The following SYT1 variants were observed in gnomAD, a reference collection of about 807,000 sequenced individuals.
SYT1 encodes the protein synaptotagmin-1.
Under a neutral mutation model 44.8 loss-of-function variants are expected in SYT1, and 8 were observed. That is an observed-to-expected ratio of 0.18 (90% CI 0.10 to 0.32). The LOEUF (loss-of-function observed/expected upper bound fraction) is 0.32, where lower values mean the gene tolerates loss of function less well. SYT1 is among the 10% of genes least tolerant of loss of function. SYT1 has a pLI of 1.00. For missense variants in SYT1, 286 were observed against 509.3 expected, an observed-to-expected ratio of 0.56 and a Z score of 4.22; for synonymous variants, 154 against 188.8, an observed-to-expected ratio of 0.82 and a Z score of 1.51.
At chr12:79,256,653 A>AG (rs1195580095) in intron 4 of SYT1, among the ~76,000 whole-genome samples, 2 of 151,522 alleles carry the variant, frequency 1.3e-5, no homozygotes, top group South Asian at 2.1e-4. Flanking sequence ...TTTTTGATGA[A>AG]GGGAGATACA....
intron 2 of SYT1, among the ~76,000 whole-genome samples, chr12:79,045,124 C>T (rs2137752754): frequency 6.6e-6 from 1 of 152,260 alleles, no homozygotes; most frequent in East Asian, 1.9e-4. Context: ...GCAGGCAGGC[C>T]TCCTTGAGCT....
intron 9 of SYT1, among the ~76,000 whole-genome samples, chr12:79,391,119 G>T (rs1283060108): frequency 6.6e-6 from 1 of 152,158 alleles, no homozygotes; most frequent in Non-Finnish European, 1.5e-5. Context: ...CTACTTTTAA[G>T]ATTAGTCATA....
At chr12:78,864,377 T>C (rs1034238542), upstream of SYT1, 2 of 150,716 alleles carry the variant, frequency 1.3e-5, no homozygotes, top group East Asian at 2.0e-4. Flanking sequence ...AAAAAAGCTT[T>C]GTATTATGCT....
intron 1 of SYT1, among the ~76,000 whole-genome samples, chr12:78,874,846 G>T (rs1873984839): frequency 6.6e-6 from 1 of 151,528 alleles, no homozygotes; most frequent in Non-Finnish European, 1.5e-5. Flanking sequence ...ACCTATAAGA[G>T]GATATTGGCT....
At chr12:79,396,506 G>T (rs541850615) in intron 9 of SYT1, among the ~76,000 whole-genome samples, 23 of 152,120 alleles carry the variant, frequency 1.5e-4, no homozygotes, top group Non-Finnish European at 1.9e-4. Flanking sequence ...ATTATTTTTT[G>T]AAAGTTTTCC....
chr12:79,115,705 A>T lies in SYT1; in HGVS notation c.-18+68343A>T, dbSNP rs574362865. Among the ~76,000 whole-genome samples, 11 of 152,280 alleles carry T rather than the reference A, an allele frequency of 7.2e-5. No individual in the cohort carries two copies. The South Asian group carries it at 1.9e-3, about 26-fold the overall frequency. On this transcript the variant is annotated intron_variant, in intron 3 of 10. Transcript: ENST00000261205. ...CACTGATATTGTAGAATATTAAGTA[A>T]TTTTTTTAAATTATAATTACTAATT...
chr12:79,205,921 A>G (rs1414162557), intron 3 of SYT1, among the ~76,000 whole-genome samples: 1 of 152,160 alleles, frequency 6.6e-6, no homozygotes, highest in African/African-American at 2.4e-5. Context: ...TTATTTATAA[A>G]CAATACTCAT....
chr12:78,997,064 C>T (rs1870427161), intron 2 of SYT1, among the ~76,000 whole-genome samples: 1 of 152,298 alleles, frequency 6.6e-6, no homozygotes, highest in South Asian at 2.1e-4. Flanking sequence ...AGTATGGTCT[C>T]CAGGTTTCTG....
At chr12:78,895,543 T>A (rs1274748500) in intron 1 of SYT1, among the ~76,000 whole-genome samples, 1 of 151,796 alleles carries the variant, frequency 6.6e-6, no homozygotes, top group East Asian at 1.9e-4. Context: ...TAATTTTAAG[T>A]ATTTTTAAAA....
chr12:79,009,688 G>T (rs761800667), intron 2 of SYT1, among the ~76,000 whole-genome samples: 3 of 152,114 alleles, frequency 2.0e-5, no homozygotes, highest in Non-Finnish European at 4.4e-5. Flanking sequence ...ATGAATAAAA[G>T]TCTACAACTC....
At chr12:79,286,042 T>G in intron 5 of SYT1, 71 bp downstream of exon 5, 1 of 1,488,916 alleles carries the variant, frequency 6.7e-7, no homozygotes, top group Non-Finnish European at 9.0e-7. Flanking sequence ...TTTTATGCCA[T>G]ATAATTACAG....
intron 1 of SYT1, among the ~76,000 whole-genome samples, chr12:78,889,323 G>A (rs571539414): frequency 5.3e-5 from 8 of 151,972 alleles, no homozygotes; most frequent in African/African-American, 1.7e-4. Context: ...CCAAAGGGTT[G>A]AGACTCCAAA....
intron 2 of SYT1, among the ~76,000 whole-genome samples, chr12:79,015,506 A>G (rs1402998499): frequency 6.6e-6 from 1 of 152,128 alleles, no homozygotes; most frequent in Non-Finnish European, 1.5e-5. Flanking sequence ...ATCACTTACT[A>G]CTTTGCTAAT....
intron 1 of SYT1, among the ~76,000 whole-genome samples, chr12:78,884,010 T>C (rs1872091982): frequency 7.5e-6 from 1 of 132,732 alleles, no homozygotes; most frequent in Admixed American, 7.8e-5. Context: ...AATTATTCCA[T>C]AAAATTATTT....
intron 1 of SYT1, among the ~76,000 whole-genome samples, chr12:78,970,256 G>C (rs931044936): frequency 1.1e-4 from 16 of 152,258 alleles, no homozygotes; most frequent in African/African-American, 3.6e-4. Flanking sequence ...TGTGGGCCTA[G>C]CCCATTGCAA....
chr12:79,194,381 AC>A (rs1227667767), intron 3 of SYT1, among the ~76,000 whole-genome samples: 1 of 152,056 alleles, frequency 6.6e-6, no homozygotes, highest in African/African-American at 2.4e-5. Flanking sequence ...CATCAGATTC[AC>A]CTGGAGGGCT....
At chr12:79,180,625 A>C (rs1872476175) in intron 3 of SYT1, among the ~76,000 whole-genome samples, 2 of 151,968 alleles carry the variant, frequency 1.3e-5, no homozygotes, top group Non-Finnish European at 2.9e-5. Flanking sequence ...GGCGTCTCAC[A>C]TGGCAGGAGC....
chr12:79,204,469 G>C (rs897442037), intron 3 of SYT1, among the ~76,000 whole-genome samples: 3 of 152,178 alleles, frequency 2.0e-5, no homozygotes, highest in African/African-American at 7.2e-5. Context: ...TTGAGTTTCA[G>C]CAAAGCAACG....
At chr12:79,394,664 A>T (rs1345402560) in intron 9 of SYT1, among the ~76,000 whole-genome samples, 3 of 152,234 alleles carry the variant, frequency 2.0e-5, no homozygotes, top group Non-Finnish European at 4.4e-5. Flanking sequence ...GGCTTATTTT[A>T]TGTTAAAGAA....
Sources: gnomAD v4.1 joint callset for allele counts (sites outside exome capture counted in the v4.1 genomes callset) on GRCh38, gnomAD v4.1.1 for gene constraint, MANE v1.5 for transcripts, NCBI Gene and HGNC (gene_info 2026-07-23, HGNC 2026-07-21) for gene names.